MYZAP: variants seen among roughly 807,000 people sequenced by gnomAD.
MYZAP encodes the protein GRINL1A complex locus upstream.
Under a neutral mutation model 69.4 loss-of-function variants are expected in MYZAP, and 66 were observed. That is an observed-to-expected ratio of 0.95 (90% CI 0.78 to 1.17). The LOEUF is 1.17. Among genes scored for constraint, MYZAP ranks in the 50% most tolerant of loss-of-function variants. The probability of loss-of-function intolerance (pLI) is 0.00; values close to 1 mark genes in which losing one functional copy is unlikely to be tolerated. For synonymous variants in MYZAP, 256 were observed against 205.9 expected, an observed-to-expected ratio of 1.24 and a Z score of -2.09; for missense variants, 611 against 556.2, an observed-to-expected ratio of 1.10 and a Z score of -0.99.
At chr15:57,652,645 AC>A in intron 10 of MYZAP, among the ~76,000 whole-genome samples, 1 of 152,310 alleles carries the variant, frequency 6.6e-6, no homozygotes, top group Non-Finnish European at 1.5e-5. Context: ...ACAATGGTTT[AC>A]CAGATCATAG....
chr15:57,625,668 A>G lies in MYZAP; in HGVS notation c.412-111A>G, dbSNP rs995923463. 3.4e-5 allele frequency: 31 copies of G among 903,232 alleles called. No homozygotes were observed. The Admixed American group carries it at 4.6e-4, about 13-fold the overall frequency. 56.0% of individuals were successfully genotyped at this position (903,232 alleles called of 1,614,324 possible). Reference sequence around the variant, plus strand: ...CTTTTAATTTAAAGCTTTACTTTAGATATTGTTGAAGTAGATGTGGCTTCT... The same window carrying G: ...CTTTTAATTTAAAGCTTTACTTTAGGTATTGTTGAAGTAGATGTGGCTTCT... On this transcript the variant is annotated intron_variant, in intron 4 of 12. Transcript: ENST00000267853.
intron 4 of MYZAP, among the ~76,000 whole-genome samples, chr15:57,622,324 T>C (rs2035868548): frequency 6.6e-6 from 1 of 152,118 alleles, no homozygotes; most frequent in African/African-American, 2.4e-5. Flanking sequence ...GAAAGGAAGA[T>C]TCAGCATCAT....
At chr15:57,673,427 T>C (rs2038962871) in intron 11 of MYZAP, among the ~76,000 whole-genome samples, 1 of 152,004 alleles carries the variant, frequency 6.6e-6, no homozygotes, top group African/African-American at 2.4e-5. Flanking sequence ...TCTTTCTCTC[T>C]CTCTCTCTGT....
intron 3 of MYZAP, among the ~76,000 whole-genome samples, chr15:57,621,335 C>T (rs1470825803): frequency 6.6e-6 from 1 of 151,488 alleles, no homozygotes; most frequent in Non-Finnish European, 1.5e-5. Flanking sequence ...CTCAGCCTCC[C>T]GAGTAGCTGG....
rs555475795 is a variant in MYZAP at position 57,633,173 on chromosome 15, G to A, written c.805-440G>A. On this transcript the variant is annotated intron_variant, in intron 7 of 12. Transcript: ENST00000267853. Reference sequence around the variant, plus strand: ...CTGTGTCCGTAGAGGCTTAATACATGTTCTGATGATTGACTGGGTTTTCTT... The same window carrying A: ...CTGTGTCCGTAGAGGCTTAATACATATTCTGATGATTGACTGGGTTTTCTT... 2.0e-5 allele frequency among the ~76,000 whole-genome samples: 3 copies of A among 152,328 alleles called. No homozygotes were observed. The South Asian group carries it at 6.2e-4, about 32-fold the overall frequency.
intron 11 of MYZAP, among the ~76,000 whole-genome samples, chr15:57,667,830 T>TA (rs1287205167): frequency 3.3e-5 from 5 of 152,200 alleles, no homozygotes; most frequent in Non-Finnish European, 5.9e-5. Context: ...TGACAGTGTT[T>TA]ATACCCATGA....
intron 10 of MYZAP, chr15:57,647,953 C>T (rs1414656244): frequency 1.0e-6 from 1 of 985,260 alleles, no homozygotes; most frequent in Non-Finnish European, 1.2e-6. Flanking sequence ...CGCTTTCCTC[C>T]CTTAACTGGA....
intron 10 of MYZAP, 96 bp downstream of exon 10, chr15:57,639,641 C>A: frequency 7.0e-7 from 1 of 1,420,142 alleles, no homozygotes; most frequent in Non-Finnish European, 9.6e-7. Context: ...TTTCCTGTGG[C>A]TCACAAGCCG....
chr15:57,654,364 A>T lies in MYZAP; in HGVS notation c.1120-7086A>T, dbSNP rs57049387. ...CCTCCTATTATCAGTAAGAGGGGGC[A>T]GGAGGGGGAGTTGATTCTACACATG... On this transcript the variant is annotated intron_variant, in intron 10 of 12. Transcript: ENST00000267853. Among the ~76,000 whole-genome samples, 788 of 152,198 alleles carry T rather than the reference A, an allele frequency of 5.2e-3. 4 individuals are homozygous for T. Among genetic ancestry groups the T allele is most frequent in the African/African-American group, 0.018 (766 of 41,528 alleles).
At chr15:57,622,986 C>G (rs937441783) in intron 4 of MYZAP, among the ~76,000 whole-genome samples, 5 of 152,062 alleles carry the variant, frequency 3.3e-5, no homozygotes, top group Non-Finnish European at 7.4e-5. Flanking sequence ...CCCCACGAAT[C>G]AAGAAGAAAA....
At chr15:57,626,118 A>G (rs1454780152) in intron 5 of MYZAP, among the ~76,000 whole-genome samples, 1 of 152,216 alleles carries the variant, frequency 6.6e-6, no homozygotes, top group Non-Finnish European at 1.5e-5. Flanking sequence ...AAGGAAATTT[A>G]GACCCCGAGT....
Position 57,633,750 on chromosome 15 carries a change from C to G in MYZAP, c.933+9C>G, listed in dbSNP as rs2036648485. 1 of 1,583,022 alleles carries G rather than the reference C, an allele frequency of 6.3e-7. No individual in the cohort carries two copies. The highest frequency in any genetic ancestry group is 8.6e-7 in the Non-Finnish European group (1 of 1,165,272). On this transcript the variant is annotated intron_variant, in intron 8 of 12. Transcript: ENST00000267853. ...TTGAGCGCATGGAAAAGGTAGGACA[C>G]AGCGTTGGGCCTATTGCCCACTTGC... is the stretch of plus-strand genomic sequence containing the variant.
chr15:57,606,561 A>T (rs1387942806), intron 2 of MYZAP, among the ~76,000 whole-genome samples: 1 of 122,712 alleles, frequency 8.1e-6, no homozygotes, highest in African/African-American at 3.1e-5. Flanking sequence ...GGAACGTCAC[A>T]CTCTGGGGGA....
chr15:57,617,965 C>A, intron 2 of MYZAP, 68 bp from the exon 3 acceptor site: 2 of 1,539,484 alleles, frequency 1.3e-6, no homozygotes, highest in Non-Finnish European at 1.7e-6. Context: ...ACAGTGGGCC[C>A]GTTATTACAA....
At chr15:57,653,365 A>G (rs1347216195) in intron 10 of MYZAP, among the ~76,000 whole-genome samples, 1 of 152,206 alleles carries the variant, frequency 6.6e-6, no homozygotes, top group Non-Finnish European at 1.5e-5. Context: ...GGAAATGGTG[A>G]ACTGACTAGG....
At chr15:57,613,168 G>C (rs544140054) in intron 2 of MYZAP, among the ~76,000 whole-genome samples, 128 of 152,168 alleles carry the variant, frequency 8.4e-4, no homozygotes, top group African/African-American at 3.0e-3. Flanking sequence ...TCCTGACCTT[G>C]TGATCCACCT....
chr15:57,663,137 G>A (rs1414313533), intron 11 of MYZAP, among the ~76,000 whole-genome samples: 2 of 152,170 alleles, frequency 1.3e-5, no homozygotes, highest in African/African-American at 4.8e-5. Flanking sequence ...TGTGGCCAAA[G>A]AGAAGGCAGT....
intron 1 of MYZAP, among the ~76,000 whole-genome samples, chr15:57,598,083 C>T (rs1484968140): frequency 6.6e-6 from 1 of 152,200 alleles, no homozygotes; most frequent in African/African-American, 2.4e-5. Flanking sequence ...ATCATCTTCT[C>T]CACTCCCTTT....
intron 11 of MYZAP, among the ~76,000 whole-genome samples, chr15:57,664,070 G>GT (rs35632598): frequency 0.26 from 37,000 of 141,374 alleles, 5,507 homozygotes; most frequent in Non-Finnish European, 0.35. Flanking sequence ...TTCTGTTCTT[G>GT]TTTTTTTTTT....
Sources: allele counts gnomAD v4.1 joint callset (sites outside exome capture counted in the v4.1 genomes callset), GRCh38; gene constraint gnomAD v4.1.1; transcripts MANE v1.5; gene names NCBI Gene and HGNC (gene_info 2026-07-23, HGNC 2026-07-21).